The following KLF8 variants were observed in gnomAD, a reference collection of about 807,000 sequenced individuals.
KLF8 encodes the protein KLF transcription factor 8.
In KLF8, 10 loss-of-function variants were observed where a neutral mutation model predicts 18.2. The ratio of observed to expected loss-of-function variants is 0.55; its 90% CI spans 0.34 to 0.93. KLF8 has a LOEUF of 0.93. KLF8 is among the 40% of genes least tolerant of loss of function. KLF8 has a pLI of 0.02. For missense variants in KLF8, 264 were observed against 277.9 expected (o/e 0.95, Z 0.36); for synonymous variants, 109 against 97.3 (o/e 1.12, Z -0.71).
In KLF8 at chrX:56,290,694, C is replaced by T. The variant is rs1015542293; in HGVS notation, c.*6200C>T. 1.8e-5 allele frequency among the ~76,000 whole-genome samples: 2 copies of T among 110,908 alleles called. No individual in the cohort carries two copies. The highest frequency in any genetic ancestry group is 3.8e-5 in the Non-Finnish European group (2 of 52,928). On this transcript the variant is annotated 3_prime_UTR_variant, in exon 6 of 6. Transcript: ENST00000468660. ...TTAAGCTTTGGCCAGTTCAGTTTCA[C>T]CACTTATATTTTCTCTTTCCCAACT...
the KLF8 span, among the ~76,000 whole-genome samples, chrX:56,180,975 G>A: frequency 9.0e-6 from 1 of 111,440 alleles, no homozygotes; most frequent in Non-Finnish European, 1.9e-5. Flanking sequence ...GTGTCTGTTA[G>A]GTCTGCTTGG....
At chrX:56,080,524 A>C in the KLF8 span, among the ~76,000 whole-genome samples, 95 of 111,470 alleles carry the variant, frequency 8.5e-4, no homozygotes, top group Non-Finnish European at 4.9e-4. Context: ...ATCCACTGTT[A>C]GTCTGATGGG....
chrX:56,171,478 C>T, the KLF8 span, among the ~76,000 whole-genome samples: 1 of 111,271 alleles, frequency 9.0e-6, no homozygotes, highest in African/African-American at 3.3e-5. Context: ...CACCCATTAA[C>T]TCGTCATTTA....
At chrX:56,191,782 T>G in the KLF8 span, among the ~76,000 whole-genome samples, 1 of 111,193 alleles carries the variant, frequency 9.0e-6, no homozygotes. Context: ...CAACATAACT[T>G]TATGTTAAAA....
chrX:56,184,302 C>T, the KLF8 span, among the ~76,000 whole-genome samples: 11 of 112,071 alleles, frequency 9.8e-5, no homozygotes, highest in East Asian at 5.6e-4. Context: ...AACTGCAAGG[C>T]GGGAGTGAGC....
chrX:56,078,310 C>T, the KLF8 span, among the ~76,000 whole-genome samples: 1 of 111,940 alleles, frequency 8.9e-6, no homozygotes, highest in Admixed American at 9.5e-5. Flanking sequence ...TTTTGAGATA[C>T]ATCCCATCAA....
At chrX:56,170,644 C>G in the KLF8 span, among the ~76,000 whole-genome samples, 7 of 109,116 alleles carry the variant, frequency 6.4e-5, no homozygotes, top group Non-Finnish European at 1.1e-4. Flanking sequence ...GTTAGAAGAG[C>G]CTAAAGGAAA....
the KLF8 span, among the ~76,000 whole-genome samples, chrX:56,031,501 A>G: frequency 8.9e-6 from 1 of 111,917 alleles, no homozygotes; most frequent in Non-Finnish European, 1.9e-5. Context: ...CCCTGTGTTC[A>G]GCCACTGCTT....
the KLF8 span, among the ~76,000 whole-genome samples, chrX:56,050,967 A>G: frequency 1.1e-4 from 12 of 109,482 alleles, no homozygotes; most frequent in Admixed American, 1.1e-3. Context: ...TTGGGTGCAT[A>G]TATATTTAGG....
intron 4 of KLF8, among the ~76,000 whole-genome samples, chrX:56,269,892 A>C (rs1416597141): frequency 8.9e-6 from 1 of 111,938 alleles, no homozygotes; most frequent in Non-Finnish European, 1.9e-5. Flanking sequence ...GGAAAATGAA[A>C]CTTATTGAAG....
At chrX:56,079,801 C>T in the KLF8 span, among the ~76,000 whole-genome samples, 20 of 109,753 alleles carry the variant, frequency 1.8e-4, no homozygotes, top group African/African-American at 6.3e-4. Context: ...TTGTAGGTCA[C>T]TCAGGACTTG....
At chrX:56,148,434 C>T in the KLF8 span, among the ~76,000 whole-genome samples, 17 of 108,415 alleles carry the variant, frequency 1.6e-4, no homozygotes, top group African/African-American at 5.3e-4. Flanking sequence ...GGATCCTACA[C>T]GAGCTTTAAA....
chrX:56,178,152 C>T, the KLF8 span, among the ~76,000 whole-genome samples: 11 of 112,118 alleles, frequency 9.8e-5, no homozygotes, highest in East Asian at 2.8e-4. Context: ...AACCTGGTAC[C>T]TCAGTTGGAA....
the KLF8 span, among the ~76,000 whole-genome samples, chrX:55,920,419 C>T: frequency 0.52 from 57,586 of 110,619 alleles, 12,990 homozygotes; most frequent in East Asian, 0.74. Context: ...CAAACCATGA[C>T]GAAATCTTTG....
chrX:56,069,460 C>T, the KLF8 span, among the ~76,000 whole-genome samples: 15 of 111,102 alleles, frequency 1.4e-4, no homozygotes, highest in African/African-American at 4.3e-4. Flanking sequence ...CCAGTAAGCC[C>T]GCTTCTGTGG....
chrX:55,932,507 T>G, the KLF8 span, among the ~76,000 whole-genome samples: 1 of 112,032 alleles, frequency 8.9e-6, no homozygotes, highest in Admixed American at 9.5e-5. Flanking sequence ...TGGCTGGTAC[T>G]GGGTTTTCCT....
chrX:56,063,099 T>A, the KLF8 span, among the ~76,000 whole-genome samples: 1 of 111,275 alleles, frequency 9.0e-6, no homozygotes, highest in African/African-American at 3.3e-5. Context: ...TTTTTTGCAT[T>A]GAGTTAGAAC....
chrX:56,206,445 A>C, the KLF8 span, among the ~76,000 whole-genome samples: 1 of 112,234 alleles, frequency 8.9e-6, no homozygotes, highest in Admixed American at 9.4e-5. Flanking sequence ...TTGGATAAAT[A>C]AACCTATTCA....
At chrX:56,228,301 T>G (rs2066381938), upstream of KLF8, among the ~76,000 whole-genome samples, 1 of 111,744 alleles carries the variant, frequency 8.9e-6, no homozygotes, top group African/African-American at 3.3e-5. Context: ...ACACTGTGCT[T>G]TGTAGGCTAT....
Sources: allele counts gnomAD v4.1 joint callset (sites outside exome capture counted in the v4.1 genomes callset), GRCh38; gene constraint gnomAD v4.1.1; transcripts MANE v1.5; gene names NCBI Gene and HGNC (gene_info 2026-07-23, HGNC 2026-07-21).